The following GNG7 variants were observed in gnomAD, a reference collection of about 807,000 sequenced individuals.
The protein encoded by GNG7 is guanine nucleotide-binding protein G(I)/G(S)/G(O) subunit gamma-7.
GNG7 carries 1 observed loss-of-function variant against 4.0 expected under a neutral mutation model. That is an observed-to-expected ratio of 0.25 (90% CI 0.09 to 1.18). GNG7 has a LOEUF of 1.18. Ranked by LOEUF, GNG7 falls within the 50% of genes most tolerant of loss-of-function variation. GNG7 has a pLI of 0.50. For missense variants in GNG7, 86 were observed against 91.9 expected, an observed-to-expected ratio of 0.94 and a Z score of 0.26; for synonymous variants, 34 against 36.9, an observed-to-expected ratio of 0.92 and a Z score of 0.29.
chr19:2,701,543 C>A (rs1035321738), intron 1 of GNG7, among the ~76,000 whole-genome samples: 3 of 151,234 alleles, frequency 2.0e-5, no homozygotes, highest in Non-Finnish European at 4.4e-5. Context: ...CTCACCCCAG[C>A]TTTGTCCTTC....
chr19:2,519,181 C>T (rs184086568), intron 4 of GNG7, among the ~76,000 whole-genome samples: 43 of 119,504 alleles, frequency 3.6e-4, no homozygotes, highest in African/African-American at 1.1e-3. Flanking sequence ...GATAGAGTCT[C>T]GCTCTGTTCC....
chr19:2,530,357 G>T (rs1978542975), intron 3 of GNG7, among the ~76,000 whole-genome samples: 1 of 150,860 alleles, frequency 6.6e-6, no homozygotes, highest in Admixed American at 6.6e-5. Context: ...TGGTTGCAGT[G>T]AGCTGAGATT....
In GNG7 at chr19:2,514,129, A is replaced by G. The variant is rs10417185; in HGVS notation, c.*893T>C. On this transcript the variant is annotated 3_prime_UTR_variant, in exon 5 of 5. Coordinates refer to ENST00000382159, the MANE Select transcript of GNG7 (RefSeq NM_052847.3). ...GGAGAATCGCTTGAACCGGGGAGGC[A>G]GAGGTTGCGGTGAGCTGAAATCATG... 0.87 allele frequency: 131,803 copies of G among 151,952 alleles called. 57,419 individuals are homozygous for G. The highest frequency in any genetic ancestry group is 0.98 in the East Asian group (5,056 of 5,162). 9.4% of individuals were successfully genotyped at this position (151,952 alleles called of 1,614,324 possible).
intron 3 of GNG7, among the ~76,000 whole-genome samples, chr19:2,540,325 A>AT (rs1461590977): frequency 6.6e-6 from 1 of 151,500 alleles, no homozygotes; most frequent in Non-Finnish European, 1.5e-5. Flanking sequence ...TAATTTTTTA[A>AT]TTTTTTGTAG....
At chr19:2,677,580 G>T (rs903327157) in intron 1 of GNG7, among the ~76,000 whole-genome samples, 2 of 152,162 alleles carry the variant, frequency 1.3e-5, no homozygotes, top group African/African-American at 4.8e-5. Flanking sequence ...CAGAAACCAA[G>T]GGGGGCCCCA....
intron 3 of GNG7, among the ~76,000 whole-genome samples, chr19:2,530,773 A>G (rs185971103): frequency 1.5e-4 from 23 of 152,332 alleles, no homozygotes; most frequent in Non-Finnish European, 2.8e-4. Flanking sequence ...AAGGGCCTGC[A>G]GGGTTATTAA....
intron 2 of GNG7, among the ~76,000 whole-genome samples, chr19:2,607,019 G>C (rs1221321767): frequency 2.0e-5 from 3 of 151,570 alleles, no homozygotes; most frequent in Non-Finnish European, 4.4e-5. Context: ...CCAGGATTTT[G>C]AGACCAGCCT....
chr19:2,577,429 G>A (rs1414897792), intron 2 of GNG7, among the ~76,000 whole-genome samples: 3 of 152,166 alleles, frequency 2.0e-5, no homozygotes, highest in African/African-American at 7.2e-5. Flanking sequence ...CAGCTCCTAT[G>A]GGCCACCCTT....
chr19:2,668,311 T>C (rs1479535557), intron 1 of GNG7, among the ~76,000 whole-genome samples: 1 of 151,922 alleles, frequency 6.6e-6, no homozygotes, highest in Non-Finnish European at 1.5e-5. Context: ...TGAGGGAACA[T>C]TAAGTTCATG....
chr19:2,570,051 G>A (rs1980098191), intron 2 of GNG7, among the ~76,000 whole-genome samples: 1 of 149,118 alleles, frequency 6.7e-6, no homozygotes, highest in South Asian at 2.2e-4. Context: ...GGTTGTGGCG[G>A]GAGGGGGGTC....
At position 2,663,016 on chromosome 19, in the gene GNG7, T is replaced by C. The variant is rs193018088; in HGVS notation, c.-134-16736A>G. Among the ~76,000 whole-genome samples the C allele has an allele frequency of 4.4e-3, 676 of 152,198 alleles. 4 individuals carry two copies. The highest frequency in any genetic ancestry group is 0.015 in the African/African-American group (638 of 41,516). The stretch of plus-strand genomic sequence containing the variant: ...CAAAGACCAAATAATATAATAAATA[T>C]AATGCAAGTAATATAATATCCCACT... On this transcript the variant is annotated intron_variant, in intron 1 of 4. Coordinates refer to ENST00000382159, the MANE Select transcript of GNG7 (RefSeq NM_052847.3).
At chr19:2,562,308 G>C (rs1979767964) in intron 2 of GNG7, among the ~76,000 whole-genome samples, 1 of 150,816 alleles carries the variant, frequency 6.6e-6, no homozygotes. Context: ...TTTTGAGACA[G>C]AGTCTGGCTC....
intron 2 of GNG7, among the ~76,000 whole-genome samples, chr19:2,570,404 G>A (rs368301296): frequency 1.3e-5 from 2 of 152,132 alleles, no homozygotes; most frequent in Admixed American, 6.6e-5. Context: ...AGTCAGGCAC[G>A]GGGAGACACG....
chr19:2,657,422 A>C (rs1983026797), intron 1 of GNG7, among the ~76,000 whole-genome samples: 1 of 136,996 alleles, frequency 7.3e-6, no homozygotes, highest in Non-Finnish European at 1.5e-5. Context: ...ATTTATCCTA[A>C]AAAGAGAAAC....
intron 3 of GNG7, among the ~76,000 whole-genome samples, chr19:2,537,950 G>T (rs1978798720): frequency 6.6e-6 from 1 of 152,126 alleles, no homozygotes; most frequent in Non-Finnish European, 1.5e-5. Context: ...GGTGGTGCAT[G>T]CCTGTAGTCC....
rs5826771 is a variant in GNG7 at position 2,539,882 on chromosome 19, C to CTCCTTCCT, written c.-38+15259_-38+15266dup. Among the ~76,000 whole-genome samples the CTCCTTCCT allele has an allele frequency of 1.5e-4, 17 of 112,764 alleles. No individual in the cohort carries two copies. In the South Asian group the frequency reaches 4.8e-3, roughly 32 times the overall value. 74.0% of individuals were successfully genotyped at this position (112,764 alleles called of 152,430 possible). On this transcript the variant is annotated intron_variant, in intron 3 of 4. Transcript: ENST00000382159. ...CCTCCCTTCTTCTTTCTCTCTCCCT[C>CTCCTTCCT]TCCTTCCTTCCTTCCTCCTTCCCTC...
chr19:2,610,081 G>A (rs917112823), intron 2 of GNG7: 11 of 152,180 alleles, frequency 7.2e-5, no homozygotes, highest in Admixed American at 2.0e-4. Flanking sequence ...GGAAGCCTCT[G>A]GCAAGGGCCT....
chr19:2,607,283 C>T (rs574458060), intron 2 of GNG7, among the ~76,000 whole-genome samples: 6 of 149,524 alleles, frequency 4.0e-5, no homozygotes, highest in East Asian at 4.0e-4. Context: ...TTTGGGAGGT[C>T]GAGGCAGGCA....
At chr19:2,680,648 C>T (rs1225895832) in intron 1 of GNG7, among the ~76,000 whole-genome samples, 2 of 150,076 alleles carry the variant, frequency 1.3e-5, no homozygotes, top group African/African-American at 2.5e-5. Context: ...AGATCTCAGC[C>T]CACTGCAACC....
Sources: allele counts gnomAD v4.1 joint callset (sites outside exome capture counted in the v4.1 genomes callset), GRCh38; gene constraint gnomAD v4.1.1; transcripts MANE v1.5; gene names NCBI Gene and HGNC (gene_info 2026-07-23, HGNC 2026-07-21).